Variants in CLOCK observed in about 807,000 individuals in gnomAD.
CLOCK encodes the protein circadian locomoter output cycles protein kaput.
In CLOCK, 43 loss-of-function variants were observed where a neutral mutation model predicts 118.4. The observed-to-expected ratio is 0.36, with a 90% CI of 0.28 to 0.47. The LOEUF is 0.47. CLOCK is among the 20% of genes least tolerant of loss of function. The probability of loss-of-function intolerance (pLI) is 1.00; values close to 1 mark genes in which losing one functional copy is unlikely to be tolerated. For missense variants in CLOCK, 846 were observed against 999.9 expected (o/e 0.85, Z 2.08); for synonymous variants, 326 against 339.2 (o/e 0.96, Z 0.43).
intron 1 of CLOCK, among the ~76,000 whole-genome samples, chr4:55,535,984 C>T (rs1730869201): frequency 6.6e-6 from 1 of 152,064 alleles, no homozygotes. Context: ...GAAGCCAGGA[C>T]AGCTTTTGGT....
In CLOCK at chr4:55,432,474, C is replaced by CTTTTTTT. The variant is rs34676667; in HGVS notation, c.*2934_*2940dup. On this transcript the variant is annotated 3_prime_UTR_variant, in exon 23 of 23. Transcript: ENST00000513440. ...AAGTGAGAATAAAGCAGAGGGAAGA[C>CTTTTTTT]TTTTTTTTTTTTTTTTTTAAAGCTG... 7.4e-6 allele frequency: 1 copy of CTTTTTTT among 134,832 alleles called. No homozygotes were observed. The highest frequency in any genetic ancestry group is 2.8e-5 in the African/African-American group (1 of 35,846). The allele number at this position is 134,832 out of a possible 1,614,324, so 8.4% of individuals were successfully genotyped here.
rs566313240 is a variant in CLOCK at position 55,429,231 on chromosome 4, G to C, written c.*6184C>G. 1 of 152,114 alleles carries C rather than the reference G, an allele frequency of 6.6e-6. No homozygotes were observed. Among genetic ancestry groups the C allele is most frequent in the South Asian group, 2.1e-4 (1 of 4,820 alleles). The allele number at this position is 152,114 out of a possible 1,614,324, so 9.4% of individuals were successfully genotyped here. ...AATTTAAAAGCTTTTATTTGAAAAC[G>C]TATCTTCAGTTTAACCCTCAGAGTT... On this transcript the variant is annotated 3_prime_UTR_variant, in exon 23 of 23. Transcript: ENST00000513440.
At chr4:55,544,311 G>A (rs549794856) in intron 1 of CLOCK, among the ~76,000 whole-genome samples, 135 of 152,110 alleles carry the variant, frequency 8.9e-4, no homozygotes, top group African/African-American at 3.2e-3. Flanking sequence ...CACTTTAAGG[G>A]AATGTTCACA....
intron 1 of CLOCK, among the ~76,000 whole-genome samples, chr4:55,518,210 T>C (rs1293603835): frequency 6.6e-6 from 1 of 152,036 alleles, no homozygotes; most frequent in African/African-American, 2.4e-5. Context: ...GAAGAGAAAG[T>C]TAAATAAGGC....
At chr4:55,448,575 T>G (rs1724081857) in intron 18 of CLOCK, among the ~76,000 whole-genome samples, 1 of 149,332 alleles carries the variant, frequency 6.7e-6, no homozygotes, top group African/African-American at 2.5e-5. Flanking sequence ...TAACTATAAT[T>G]ATATATGTGC....
At chr4:55,439,818 G>C (rs1176007285) in intron 21 of CLOCK, among the ~76,000 whole-genome samples, 1 of 152,108 alleles carries the variant, frequency 6.6e-6, no homozygotes, top group Non-Finnish European at 1.5e-5. Context: ...AATTTACAGG[G>C]ACAGAAAGTA....
chr4:55,545,226 C>T (rs549602991), intron 1 of CLOCK, among the ~76,000 whole-genome samples: 11 of 152,162 alleles, frequency 7.2e-5, no homozygotes, highest in Non-Finnish European at 1.5e-4. Flanking sequence ...TCAAGACATT[C>T]TGTTCAGCCA....
chr4:55,437,603 T>A (rs185799035), intron 22 of CLOCK, among the ~76,000 whole-genome samples: 5 of 152,328 alleles, frequency 3.3e-5, no homozygotes, highest in Non-Finnish European at 5.9e-5. Context: ...CCATGTGCCT[T>A]GTCTTATATT....
intron 1 of CLOCK, among the ~76,000 whole-genome samples, chr4:55,534,281 GA>G (rs1463787533): frequency 7.2e-5 from 11 of 152,014 alleles, no homozygotes; most frequent in African/African-American, 2.7e-4. Flanking sequence ...AAATGTGAGA[GA>G]ACATTTCCAA....
At chr4:55,496,387 T>C (rs1292456260) in intron 2 of CLOCK, among the ~76,000 whole-genome samples, 1 of 152,116 alleles carries the variant, frequency 6.6e-6, no homozygotes, top group East Asian at 1.9e-4. Flanking sequence ...CTAAACATAG[T>C]GACAGTCAAT....
Position 55,433,847 on chromosome 4 carries a change from T to C in CLOCK, c.*1568A>G, listed in dbSNP as rs575735832. Reference sequence around the variant, plus strand: ...AGGCATGTGAGTTACAATATTCTAATGTTGTAGTGAAGGCATAGCCAAATC... The same window carrying C: ...AGGCATGTGAGTTACAATATTCTAACGTTGTAGTGAAGGCATAGCCAAATC... On this transcript the variant is annotated 3_prime_UTR_variant, in exon 23 of 23. Coordinates refer to ENST00000513440, the MANE Select transcript of CLOCK (RefSeq NM_004898.4). 1 of 152,206 alleles carries C rather than the reference T, an allele frequency of 6.6e-6. No individual in the cohort carries two copies. The highest frequency in any genetic ancestry group is 1.5e-5 in the Non-Finnish European group (1 of 68,020). The allele number at this position is 152,206 out of a possible 1,614,324, so 9.4% of individuals were successfully genotyped here. A position where few individuals can be genotyped will look rare whatever the true frequency, so the allele number is the denominator to read the frequency against.
At chr4:55,546,675 C>G (rs1390291345) in intron 1 of CLOCK, 107 bp downstream of exon 1, 2 of 142,192 alleles carry the variant, frequency 1.4e-5, no homozygotes, top group Non-Finnish European at 3.1e-5. Context: ...TCCTCCTCCC[C>G]CTCCCTTCCC....
chr4:55,530,774 C>CAAAAAAAAAAAAAAAAAAAAAAAAAAA (rs60810379), intron 1 of CLOCK, among the ~76,000 whole-genome samples: 1 of 33,044 alleles, frequency 3.0e-5, no homozygotes, highest in Non-Finnish European at 5.3e-5. Context: ...GACTCCATCG[C>CAAAAAAAAAAAAAAAAAAAAAAAAAAA]AAAAAAAAAA....
At chr4:55,453,494 T>A (rs568178209) in intron 14 of CLOCK, 183 bp downstream of exon 14, 2 of 531,274 alleles carry the variant, frequency 3.8e-6, no homozygotes, top group African/African-American at 3.8e-5. Context: ...CTTATATATC[T>A]ATATCATTCC....
chr4:55,498,138 A>T (rs1372664513), intron 2 of CLOCK, among the ~76,000 whole-genome samples: 1 of 152,230 alleles, frequency 6.6e-6, no homozygotes, highest in Admixed American at 6.5e-5. Flanking sequence ...ATGTATAAAT[A>T]TAATGACAAT....
At position 55,428,889 on chromosome 4, in the gene CLOCK, G is replaced by A. The variant is rs1439277224; in HGVS notation, c.*6526C>T. The A allele has an allele frequency of 6.7e-6, 1 of 149,972 alleles. No individual in the cohort carries two copies. The highest frequency in any genetic ancestry group is 2.5e-5 in the African/African-American group (1 of 40,680). 9.3% of individuals were successfully genotyped at this position (149,972 alleles called of 1,614,324 possible). Reference sequence around the variant, plus strand: ...AGAGTGAATATGAAAATGCCATACTGAGGCCTTCCCCAACTTAAACCATAG... The same window carrying A: ...AGAGTGAATATGAAAATGCCATACTAAGGCCTTCCCCAACTTAAACCATAG... On this transcript the variant is annotated 3_prime_UTR_variant, in exon 23 of 23. Coordinates refer to ENST00000513440, the MANE Select transcript of CLOCK (RefSeq NM_004898.4).
In CLOCK at chr4:55,430,109, C is replaced by T. The variant is rs2109588631; in HGVS notation, c.*5306G>A. ...ATTTAGCCATTTTTATTCAAGAACC[C>T]CAGAGAACTGCTTTAAAAGCAATTG... On this transcript the variant is annotated 3_prime_UTR_variant, in exon 23 of 23. Coordinates refer to ENST00000513440, the MANE Select transcript of CLOCK (RefSeq NM_004898.4). 1 of 152,216 alleles carries T rather than the reference C, an allele frequency of 6.6e-6. No homozygotes were observed. Among genetic ancestry groups the T allele is most frequent in the Admixed American group, 6.5e-5 (1 of 15,284 alleles). The allele number at this position is 152,216 out of a possible 1,614,324, so 9.4% of individuals were successfully genotyped here.
chr4:55,465,330 C>A (rs1048144308), intron 8 of CLOCK, among the ~76,000 whole-genome samples: 8 of 152,086 alleles, frequency 5.3e-5, no homozygotes, highest in African/African-American at 1.9e-4. Context: ...GCTTGATGAT[C>A]CATGGATTTT....
intron 1 of CLOCK, among the ~76,000 whole-genome samples, chr4:55,513,401 A>T (rs1729289836): frequency 6.6e-6 from 1 of 152,110 alleles, no homozygotes; most frequent in East Asian, 1.9e-4. Flanking sequence ...TCATCCAACA[A>T]TGCATTTCTC....
Sources: allele counts gnomAD v4.1 joint callset (sites outside exome capture counted in the v4.1 genomes callset), GRCh38; gene constraint gnomAD v4.1.1; transcripts MANE v1.5; gene names NCBI Gene and HGNC (gene_info 2026-07-23, HGNC 2026-07-21).